GPR83: variants seen among roughly 807,000 people sequenced by gnomAD.
GPR83 encodes G-protein coupled receptor 72.
A neutral mutation model predicts 28.0 loss-of-function variants in GPR83; 23 were observed. That is an observed-to-expected ratio of 0.82 (90% CI 0.59 to 1.16). The LOEUF is 1.16. Ranked by LOEUF, GPR83 falls within the 50% of genes most tolerant of loss-of-function variation. GPR83 has a pLI of 0.00. For synonymous variants in GPR83, 234 were observed against 215.4 expected, an observed-to-expected ratio of 1.09 and a Z score of -0.76; for missense variants, 610 against 536.6, an observed-to-expected ratio of 1.14 and a Z score of -1.35.
chr11:94,391,087 C>T (rs1254350663), intron 3 of GPR83, among the ~76,000 whole-genome samples: 1 of 152,184 alleles, frequency 6.6e-6, no homozygotes, highest in African/African-American at 2.4e-5. Context: ...TACAAGGCTA[C>T]AGTAACCAAA....
At chr11:94,396,300 T>G in intron 2 of GPR83, 99 bp downstream of exon 2, 1 of 1,135,160 alleles carries the variant, frequency 8.8e-7, no homozygotes, top group Non-Finnish European at 1.3e-6. Context: ...ACACACTCAT[T>G]GAAAACTGGG....
At chr11:94,383,849 C>A (rs552188723) in intron 3 of GPR83, among the ~76,000 whole-genome samples, 1 of 152,122 alleles carries the variant, frequency 6.6e-6, no homozygotes, top group Admixed American at 6.5e-5. Context: ...TAATAGCCTA[C>A]CAACCAAAAA....
rs1944633883 is a variant in GPR83, at chr11:94,377,518, G to A, written c.*2631C>T. 6.6e-6 allele frequency: 1 copy of A among 151,946 alleles called. No individual in the cohort carries two copies. The highest frequency in any genetic ancestry group is 1.5e-5 in the Non-Finnish European group (1 of 68,018). The allele number at this position is 151,946 out of a possible 1,614,324, so 9.4% of individuals were successfully genotyped here. Reference sequence around the variant, plus strand: ...TCCCCAGAGTAAAAGGGTTTTCTCTGGGACTTGGCAGTACTGAAGGTCCCG... The same window carrying A: ...TCCCCAGAGTAAAAGGGTTTTCTCTAGGACTTGGCAGTACTGAAGGTCCCG... On this transcript the variant is annotated 3_prime_UTR_variant, in exon 4 of 4. Transcript: ENST00000243673.
chr11:94,389,519 C>A (rs531149965), intron 3 of GPR83, among the ~76,000 whole-genome samples: 39 of 152,070 alleles, frequency 2.6e-4, no homozygotes, highest in African/African-American at 7.2e-4. Flanking sequence ...GGATATGAAC[C>A]AACACTTCTC....
chr11:94,388,905 G>A (rs540692692), intron 3 of GPR83, among the ~76,000 whole-genome samples: 2 of 152,120 alleles, frequency 1.3e-5, no homozygotes, highest in Non-Finnish European at 2.9e-5. Flanking sequence ...GAGGCATCAT[G>A]CTACCTGACT....
At chr11:94,383,212 G>T (rs1030772053) in intron 3 of GPR83, among the ~76,000 whole-genome samples, 1 of 151,266 alleles carries the variant, frequency 6.6e-6, no homozygotes, top group Non-Finnish European at 1.5e-5. Context: ...CATGGAAACT[G>T]AACAACCAGC....
intron 1 of GPR83, among the ~76,000 whole-genome samples, 200 bp from the exon 2 acceptor site, chr11:94,396,724 C>T (rs895562764): frequency 2.6e-5 from 4 of 152,154 alleles, no homozygotes; most frequent in Non-Finnish European, 5.9e-5. Flanking sequence ...AAACCCTGAT[C>T]ATGCTTCTGG....
At chr11:94,381,787 C>T (rs980344653) in intron 3 of GPR83, among the ~76,000 whole-genome samples, 1 of 152,052 alleles carries the variant, frequency 6.6e-6, no homozygotes, top group African/African-American at 2.4e-5. Flanking sequence ...CTAGGAAAGA[C>T]CTGTAATAAA....
chr11:94,393,354 A>T, intron 3 of GPR83, 131 bp downstream of exon 3: 1 of 761,326 alleles, frequency 1.3e-6, no homozygotes, highest in Non-Finnish European at 2.2e-6. Flanking sequence ...CGAGCCAGAG[A>T]AAGACTCAGT....
At chr11:94,390,199 T>A (rs2134690950) in intron 3 of GPR83, among the ~76,000 whole-genome samples, 1 of 152,008 alleles carries the variant, frequency 6.6e-6, no homozygotes. Context: ...AGGAACAGCA[T>A]TAGGAGATAT....
chr11:94,396,407 G>A lies in GPR83; in HGVS notation c.505C>T (p.Arg169Cys), dbSNP rs768099106. The change falls in exon 2 of 4, where the codon CGC becomes TGC. Residue 169 changes from arginine to cysteine, a missense_variant. Arg to Cys is a radical substitution (Grantham distance 180). Transcript: ENST00000243673. The stretch of plus-strand genomic sequence containing the variant: ...GGGGTAGGTGCCCTCACCTGGTGGC[G>A]ATCCACCGCAATGGCTGTCAGTGTC... ...ALTLTAIAVD[R>C]HQVIMHPLKP... 3.5e-5 allele frequency: 56 copies of A among 1,613,422 alleles called. No individual in the cohort carries two copies. Among genetic ancestry groups the A allele is most frequent in the African/African-American group, 6.7e-5 (5 of 74,916 alleles).
rs201789842 is a variant in GPR83 at position 94,380,411 on chromosome 11, C to T, written c.1010G>A (p.Ser337Asn). The T allele has an allele frequency of 1.1e-5, 17 of 1,614,214 alleles. No individual in the cohort carries two copies. The highest frequency in any genetic ancestry group is 5.5e-5 in the South Asian group (5 of 91,080). The change falls in exon 4 of 4, where the codon AGC (serine) becomes AAC (asparagine). Residue 337 changes from serine (S) to asparagine (N), a missense_variant. Transcript: ENST00000243673. The part of the protein sequence containing the change: ...YFAFHWFAMS[S>N]TCYNPFIYCW... The stretch of plus-strand genomic sequence containing the variant: ...GTATATGAAGGGGTTATAGCAGGTG[C>T]TGCTCATGGCAAACCAGTGGAAGGC...
At chr11:94,384,932 C>G (rs925972514) in intron 3 of GPR83, among the ~76,000 whole-genome samples, 1 of 152,200 alleles carries the variant, frequency 6.6e-6, no homozygotes, top group African/African-American at 2.4e-5. Flanking sequence ...AGTAGTCTAC[C>G]TGGGAGGCAA....
chr11:94,392,308 C>T (rs1944824253), intron 3 of GPR83, among the ~76,000 whole-genome samples: 2 of 151,902 alleles, frequency 1.3e-5, no homozygotes, highest in East Asian at 1.9e-4. Flanking sequence ...AAACATCACA[C>T]ACTGGGTCCT....
At chr11:94,383,761 C>G (rs1472627913) in intron 3 of GPR83, among the ~76,000 whole-genome samples, 3 of 152,136 alleles carry the variant, frequency 2.0e-5, no homozygotes, top group African/African-American at 7.2e-5. Context: ...TGGACACATA[C>G]ATCTTCCCAA....
intron 3 of GPR83, among the ~76,000 whole-genome samples, chr11:94,385,657 A>G (rs1024531316): frequency 1.3e-5 from 2 of 152,218 alleles, no homozygotes; most frequent in African/African-American, 2.4e-5. Flanking sequence ...AAAAATGAAT[A>G]AAAAGAAATG....
intron 3 of GPR83, among the ~76,000 whole-genome samples, chr11:94,385,902 T>A (rs887136463): frequency 2.0e-5 from 3 of 152,136 alleles, no homozygotes; most frequent in Non-Finnish European, 4.4e-5. Context: ...ATTGTCAGAT[T>A]CACTGAAGTT....
chr11:94,387,142 A>C (rs980621994), intron 3 of GPR83, among the ~76,000 whole-genome samples: 1 of 152,230 alleles, frequency 6.6e-6, no homozygotes, highest in Non-Finnish European at 1.5e-5. Flanking sequence ...GAACAAAGAC[A>C]CAACATACCA....
intron 3 of GPR83, among the ~76,000 whole-genome samples, chr11:94,387,269 A>T (rs11020761): frequency 3.9e-5 from 6 of 151,956 alleles, no homozygotes; most frequent in Non-Finnish European, 5.9e-5. Context: ...TTAAAAGAAC[A>T]AGAGAAGCAA....
Sources: gnomAD v4.1 joint callset for allele counts (sites outside exome capture counted in the v4.1 genomes callset) on GRCh38, gnomAD v4.1.1 for gene constraint, MANE v1.5 for transcripts, NCBI Gene and HGNC (gene_info 2026-07-23, HGNC 2026-07-21) for gene names.